The following CATSPERB variants were observed in gnomAD, a reference collection of about 807,000 sequenced individuals.
CATSPERB encodes the protein cation channel sperm-associated auxiliary subunit beta.
CATSPERB carries 93 observed loss-of-function variants against 128.3 expected under a neutral mutation model. The ratio of observed to expected loss-of-function variants is 0.72; its 90% CI spans 0.61 to 0.86. The LOEUF (loss-of-function observed/expected upper bound fraction) is 0.86, where lower values mean the gene tolerates loss of function less well. Among genes scored for constraint, CATSPERB ranks in the 40% least tolerant of loss-of-function variants. The probability of loss-of-function intolerance (pLI) is 0.00; values close to 1 mark genes in which losing one functional copy is unlikely to be tolerated. For missense variants in CATSPERB, 1,153 were observed against 1,329.5 expected, an observed-to-expected ratio of 0.87 and a Z score of 2.06; for synonymous variants, 381 against 448.8, an observed-to-expected ratio of 0.85 and a Z score of 1.91.
At chr14:91,683,235 G>A (rs1281319008) in intron 11 of CATSPERB, among the ~76,000 whole-genome samples, 1 of 152,090 alleles carries the variant, frequency 6.6e-6, no homozygotes, top group East Asian at 1.9e-4. Flanking sequence ...GCAAGTCTAG[G>A]AACTCAAGAA....
intron 6 of CATSPERB, 51 bp from the exon 7 acceptor site, chr14:91,704,752 G>T (rs1895709104): frequency 6.4e-7 from 1 of 1,568,616 alleles, no homozygotes; most frequent in South Asian, 1.2e-5. Context: ...CCTTGAAAAT[G>T]GATGCTACTT....
intron 22 of CATSPERB, among the ~76,000 whole-genome samples, chr14:91,600,632 A>G (rs917702442): frequency 3.3e-5 from 5 of 152,262 alleles, no homozygotes; most frequent in African/African-American, 1.2e-4. Flanking sequence ...CTGCAAAATA[A>G]CATTCACTTT....
At chr14:91,669,123 A>G (rs183307494) in intron 14 of CATSPERB, among the ~76,000 whole-genome samples, 48 of 152,370 alleles carry the variant, frequency 3.2e-4, no homozygotes, top group Non-Finnish European at 5.9e-4. Context: ...AAAAACTAAA[A>G]TATGGAAGAG....
intron 14 of CATSPERB, among the ~76,000 whole-genome samples, chr14:91,663,437 A>T (rs1782634432): frequency 6.6e-6 from 1 of 152,086 alleles, no homozygotes; most frequent in Non-Finnish European, 1.5e-5. Flanking sequence ...CGAGGTCAGG[A>T]GATCGAGACC....
rs1232577354 is a variant in CATSPERB, at chr14:91,673,013, T to C, written c.982A>G (p.Ser328Gly). ...GGTTCCTGACTATAAAAACAAGAGC[T>C]TGACTATAAAAAAAAGAAGGGAAAA... ...FERNRTLSES[S>G]SCFYSQEPFL... Residue 328 changes from serine to glycine, a missense_variant, in exon 13 of 27, where the codon AGC becomes GGC. By Grantham distance (56) the Ser-to-Gly change is moderately conservative (BLOSUM62 0). Transcript: ENST00000256343. The C allele has an allele frequency of 1.3e-6, 2 of 1,571,004 alleles. No homozygotes were observed. The highest frequency in any genetic ancestry group is 8.5e-7 in the Non-Finnish European group (1 of 1,169,722).
At chr14:91,627,160 A>C (rs967486401) in intron 17 of CATSPERB, among the ~76,000 whole-genome samples, 4 of 152,242 alleles carry the variant, frequency 2.6e-5, no homozygotes, top group African/African-American at 9.6e-5. Context: ...ATTTGTGTTA[A>C]AAATACATGC....
chr14:91,618,152 G>A (rs1334991056), intron 19 of CATSPERB, among the ~76,000 whole-genome samples: 2 of 152,148 alleles, frequency 1.3e-5, no homozygotes, highest in African/African-American at 2.4e-5. Flanking sequence ...ACTTCCTGAT[G>A]TTGCCATGGC....
At chr14:91,665,486 G>C (rs1894967758) in intron 14 of CATSPERB, among the ~76,000 whole-genome samples, 1 of 152,200 alleles carries the variant, frequency 6.6e-6, no homozygotes, top group Non-Finnish European at 1.5e-5. Flanking sequence ...TGTTATATAT[G>C]TGGAGAAACC....
intron 19 of CATSPERB, 103 bp from the exon 20 acceptor site, chr14:91,617,839 C>T: frequency 1.2e-6 from 1 of 818,498 alleles, no homozygotes; most frequent in Non-Finnish European, 1.9e-6. Context: ...TGAATCTATT[C>T]TGAAGGTTGC....
At chr14:91,598,460 A>T (rs1893547790) in intron 22 of CATSPERB, among the ~76,000 whole-genome samples, 1 of 152,178 alleles carries the variant, frequency 6.6e-6, no homozygotes, top group South Asian at 2.1e-4. Flanking sequence ...CATTACATTT[A>T]CCTAATTGTT....
chr14:91,723,217 A>C (rs1442293584), intron 3 of CATSPERB, 28 bp from the exon 4 acceptor site: 2 of 1,322,574 alleles, frequency 1.5e-6, no homozygotes, highest in Admixed American at 2.6e-5. Flanking sequence ...AAAAAAAAAC[A>C]ACTAATAACC....
chr14:91,674,932 C>G (rs892872496), intron 11 of CATSPERB, among the ~76,000 whole-genome samples: 2 of 152,204 alleles, frequency 1.3e-5, no homozygotes, highest in East Asian at 1.9e-4. Context: ...TTCTAAACTC[C>G]TCTCCCCAGC....
At chr14:91,712,046 A>G (rs1895849306) in intron 5 of CATSPERB, among the ~76,000 whole-genome samples, 1 of 152,300 alleles carries the variant, frequency 6.6e-6, no homozygotes, top group East Asian at 1.9e-4. Context: ...ACAACATCAC[A>G]ATTTATTGGA....
chr14:91,604,568 G>C (rs2139771403), intron 22 of CATSPERB: 2 of 1,609,676 alleles, frequency 1.2e-6, no homozygotes, highest in South Asian at 1.1e-5. Context: ...GAACTGCATG[G>C]AGGACTGCAG....
At chr14:91,595,560 A>G (rs1011233059) in intron 22 of CATSPERB, among the ~76,000 whole-genome samples, 9 of 152,172 alleles carry the variant, frequency 5.9e-5, no homozygotes, top group Non-Finnish European at 8.8e-5. Context: ...TGAGGATCCA[A>G]GATAAACCTG....
In CATSPERB at chr14:91,619,791, CCATATTACCTGGGT is replaced by C. The variant is rs372868502; in HGVS notation, c.2260+1803_2260+1816del. Among the ~76,000 whole-genome samples the C allele has an allele frequency of 2.1e-3, 318 of 151,040 alleles. 1 individual carries two copies. Among genetic ancestry groups the C allele is most frequent in the African/African-American group, 7.5e-3 (309 of 41,070 alleles). On this transcript the variant is annotated intron_variant, in intron 19 of 26. Transcript: ENST00000256343. ...TGGAGACTGATTTTTCCCTGGAAGT[CCATATTACCTGGGT>C]CATAAAAGTATTCCTACAGAGAGTA...
intron 26 of CATSPERB, among the ~76,000 whole-genome samples, chr14:91,583,629 T>A (rs981305009): frequency 6.6e-6 from 1 of 152,254 alleles, no homozygotes; most frequent in Non-Finnish European, 1.5e-5. Context: ...CTCAGAATTA[T>A]GAGTCTGTTT....
rs569416592 is a variant in CATSPERB, at chr14:91,591,704, C to T, written c.2820+188G>A. Among the ~76,000 whole-genome samples, 14 of 151,932 alleles carry T rather than the reference C, an allele frequency of 9.2e-5. No individual in the cohort carries two copies. The South Asian group carries it at 1.0e-3, about 11-fold the overall frequency. On this transcript the variant is annotated intron_variant, in intron 23 of 26. Coordinates refer to ENST00000256343, the MANE Select transcript of CATSPERB (RefSeq NM_024764.4). ...TGCAGGTATTATTGTTTTATTTTAC[C>T]GATGAGGTTCATTAACTTGCAAGGT...
chr14:91,652,504 CAAAAAAA>C (rs536896278), intron 15 of CATSPERB, among the ~76,000 whole-genome samples: 12 of 111,730 alleles, frequency 1.1e-4, no homozygotes, highest in African/African-American at 1.6e-4. Flanking sequence ...ACTAACAATA[CAAAAAAA>C]AAAAAAAAAA....
Sources: gnomAD v4.1 joint callset for allele counts (sites outside exome capture counted in the v4.1 genomes callset) on GRCh38, gnomAD v4.1.1 for gene constraint, MANE v1.5 for transcripts, NCBI Gene and HGNC (gene_info 2026-07-23, HGNC 2026-07-21) for gene names.